CDH13: variants seen among roughly 807,000 people sequenced by gnomAD.
CDH13 encodes the protein cadherin-13.
CDH13 carries 24 observed loss-of-function variants against 63.8 expected under a neutral mutation model. The ratio of observed to expected loss-of-function variants is 0.38; its 90% CI spans 0.27 to 0.53. The LOEUF (loss-of-function observed/expected upper bound fraction) is 0.53, where lower values mean the gene tolerates loss of function less well. Ranked by LOEUF, CDH13 falls within the 20% of genes least tolerant of loss-of-function variation. The pLI is 0.85. For synonymous variants in CDH13, 503 were observed against 355.3 expected, an observed-to-expected ratio of 1.42 and a Z score of -4.67; for missense variants, 1,049 against 903.1, an observed-to-expected ratio of 1.16 and a Z score of -2.07.
intron 5 of CDH13, among the ~76,000 whole-genome samples, chr16:83,274,286 G>C (rs979760935): frequency 6.6e-6 from 1 of 152,206 alleles, no homozygotes; most frequent in African/African-American, 2.4e-5. Context: ...GTTCTAGAAA[G>C]CACTGGTTGC....
At chr16:82,990,720 A>G (rs1408572019) in intron 2 of CDH13, among the ~76,000 whole-genome samples, 2 of 151,522 alleles carry the variant, frequency 1.3e-5, no homozygotes, top group Admixed American at 6.6e-5. Context: ...CTATTTATTT[A>G]TTTATTGTAG....
chr16:82,976,101 G>A (rs1231849932), intron 2 of CDH13, among the ~76,000 whole-genome samples: 1 of 152,196 alleles, frequency 6.6e-6, no homozygotes, highest in East Asian at 1.9e-4. Flanking sequence ...TGACGAGGGA[G>A]ACAAGAAAAG....
intron 6 of CDH13, among the ~76,000 whole-genome samples, chr16:83,478,579 T>C (rs1371078399): frequency 4.6e-5 from 7 of 152,266 alleles, no homozygotes; most frequent in Non-Finnish European, 5.9e-5. Context: ...CCTGGATAAC[T>C]GGGCAACCCA....
At chr16:83,352,800 G>T (rs2090981503) in intron 6 of CDH13, among the ~76,000 whole-genome samples, 1 of 152,214 alleles carries the variant, frequency 6.6e-6, no homozygotes, top group Admixed American at 6.5e-5. Flanking sequence ...TGAGGTGGGA[G>T]AATGGCATGA....
intron 2 of CDH13, among the ~76,000 whole-genome samples, chr16:83,025,237 A>C (rs577384484): frequency 6.6e-6 from 1 of 152,278 alleles, no homozygotes; most frequent in African/African-American, 2.4e-5. Context: ...GAGGATGCCC[A>C]CTCTATGGAT....
chr16:83,394,815 A>T lies in CDH13; in HGVS notation c.781+49809A>T, dbSNP rs554769969. ...CGCAGGGGTTTGAAAGGGCTGACTG[A>T]TTTGCTGATGGATGGTGTGTGTGGT... is the stretch of plus-strand genomic sequence containing the variant. On this transcript the variant is annotated intron_variant, in intron 6 of 13. Transcript: ENST00000567109. Among the ~76,000 whole-genome samples, 3 of 152,146 alleles carry T rather than the reference A, an allele frequency of 2.0e-5. No individual in the cohort carries two copies. The East Asian group carries it at 5.8e-4, about 29-fold the overall frequency.
intron 6 of CDH13, among the ~76,000 whole-genome samples, chr16:83,375,347 C>T (rs929066647): frequency 6.6e-6 from 1 of 152,196 alleles, no homozygotes; most frequent in Non-Finnish European, 1.5e-5. Flanking sequence ...TTGTGGTTGT[C>T]TGTGTGATTC....
intron 5 of CDH13, among the ~76,000 whole-genome samples, chr16:83,224,304 C>T (rs2151796189): frequency 6.6e-6 from 1 of 152,334 alleles, no homozygotes; most frequent in Non-Finnish European, 1.5e-5. Context: ...AATTGAGCTG[C>T]TATAAACATG....
At chr16:82,637,413 G>A (rs1212021323) in intron 1 of CDH13, among the ~76,000 whole-genome samples, 1 of 137,692 alleles carries the variant, frequency 7.3e-6, no homozygotes, top group Non-Finnish European at 1.5e-5. Context: ...GCTGAGGTCT[G>A]TACAGTTACT....
chr16:82,910,100 G>T (rs192597633), intron 2 of CDH13, among the ~76,000 whole-genome samples: 1 of 152,196 alleles, frequency 6.6e-6, no homozygotes, highest in East Asian at 1.9e-4. Context: ...CCCTCTTTAC[G>T]CATCCCATCA....
chr16:83,216,443 T>TATATATATATATACAC (rs1472700247), intron 4 of CDH13, among the ~76,000 whole-genome samples: 4 of 93,434 alleles, frequency 4.3e-5, no homozygotes, highest in African/African-American at 1.6e-4. Flanking sequence ...TATATATATA[T>TATATATATATATACAC]ACACAACCCT....
At chr16:83,399,979 G>C (rs1293215278) in intron 6 of CDH13, among the ~76,000 whole-genome samples, 1 of 152,174 alleles carries the variant, frequency 6.6e-6, no homozygotes, top group Non-Finnish European at 1.5e-5. Context: ...TGTTGCAAAA[G>C]TTAACATTAT....
intron 6 of CDH13, among the ~76,000 whole-genome samples, chr16:83,362,316 G>T (rs1005045946): frequency 1.3e-5 from 2 of 152,128 alleles, no homozygotes; most frequent in African/African-American, 4.8e-5. Context: ...TGTCACAGCC[G>T]CGTGTATGAG....
At chr16:83,123,961 A>T (rs559377805) in intron 3 of CDH13, among the ~76,000 whole-genome samples, 1 of 152,264 alleles carries the variant, frequency 6.6e-6, no homozygotes, top group East Asian at 1.9e-4. Context: ...GATTAGTGAT[A>T]TTGAGCATTT....
chr16:82,799,381 T>A (rs1410171906), intron 1 of CDH13, among the ~76,000 whole-genome samples: 1 of 152,184 alleles, frequency 6.6e-6, no homozygotes, highest in Non-Finnish European at 1.5e-5. Context: ...CTTGCCAAAT[T>A]AGAGTCTAGA....
At chr16:82,874,923 A>T (rs72790105) in intron 2 of CDH13, among the ~76,000 whole-genome samples, 1 of 152,158 alleles carries the variant, frequency 6.6e-6, no homozygotes, top group Non-Finnish European at 1.5e-5. Context: ...ATGGATACTC[A>T]TGGGGATGTG....
intron 6 of CDH13, among the ~76,000 whole-genome samples, chr16:83,474,748 C>G (rs72808327): frequency 0.22 from 33,053 of 152,166 alleles, 3,768 homozygotes; most frequent in Middle Eastern, 0.31. Flanking sequence ...GAAGCCAGCA[C>G]AGATCTCCCA....
chr16:83,544,150 C>G (rs1259888346), intron 7 of CDH13, among the ~76,000 whole-genome samples: 3 of 152,192 alleles, frequency 2.0e-5, no homozygotes, highest in African/African-American at 7.2e-5. Context: ...CTCGCAGTGT[C>G]TCTGAGGTGA....
intron 5 of CDH13, among the ~76,000 whole-genome samples, chr16:83,233,726 A>C (rs2040069184): frequency 6.6e-6 from 1 of 152,170 alleles, no homozygotes; most frequent in Non-Finnish European, 1.5e-5. Flanking sequence ...AAGGTCCCTT[A>C]TGAGTCCATT....
Sources: gnomAD v4.1 joint callset for allele counts (sites outside exome capture counted in the v4.1 genomes callset) on GRCh38, gnomAD v4.1.1 for gene constraint, MANE v1.5 for transcripts, NCBI Gene and HGNC (gene_info 2026-07-23, HGNC 2026-07-21) for gene names.